NDST4: variants seen among roughly 807,000 people sequenced by gnomAD.
The protein encoded by NDST4 is N-deacetylase and N-sulfotransferase 4, also known as N-heparan sulfate sulfotransferase 4.
In NDST4, 63 loss-of-function variants were observed where a neutral mutation model predicts 100.8. The ratio of observed to expected loss-of-function variants is 0.62; its 90% CI spans 0.51 to 0.77. The LOEUF is 0.77. NDST4 is among the 30% of genes least tolerant of loss of function. NDST4 has a pLI of 0.00. For synonymous variants in NDST4, 377 were observed against 361.8 expected, an observed-to-expected ratio of 1.04 and a Z score of -0.48; for missense variants, 943 against 1,018.4, an observed-to-expected ratio of 0.93 and a Z score of 1.01.
At chr4:114,940,787 C>G (rs968072376) in intron 4 of NDST4, among the ~76,000 whole-genome samples, 2 of 152,076 alleles carry the variant, frequency 1.3e-5, no homozygotes, top group Non-Finnish European at 2.9e-5. Context: ...TGTCCATGGT[C>G]GAACACTTCT....
chr4:114,875,376 C>T (rs533372351), intron 6 of NDST4, among the ~76,000 whole-genome samples: 1 of 152,256 alleles, frequency 6.6e-6, no homozygotes, highest in South Asian at 2.1e-4. Flanking sequence ...GAAACATAAG[C>T]AGTTTTTCAT....
At chr4:114,970,649 G>T in intron 3 of NDST4, 65 bp from the exon 4 acceptor site, 2 of 1,403,060 alleles carry the variant, frequency 1.4e-6, no homozygotes, top group Non-Finnish European at 1.9e-6. Context: ...GGTTATTTTT[G>T]TCAGATTTAT....
Position 114,845,981 on chromosome 4 carries a change from G to C in NDST4, c.1957C>G (p.Pro653Ala), listed in dbSNP as rs747251586. 1 of 1,605,752 alleles carries C rather than the reference G, an allele frequency of 6.2e-7. No individual in the cohort carries two copies. Among genetic ancestry groups the C allele is most frequent in the South Asian group, 1.1e-5 (1 of 90,544 alleles). Residue 653 changes from proline to alanine, a missense_variant, in exon 10 of 14, where the codon CCT becomes GCT. By Grantham distance (27) the Pro-to-Ala change is conservative. Coordinates refer to ENST00000264363, the MANE Select transcript of NDST4 (RefSeq NM_022569.3). ...TCACTTGTAGTATTGGATGGTGTAG[G>C]GAAAAAGTCCATATACCTGAAGGCA... Reference protein sequence around the residue: ...KGIDWYMDFFPTPSNTTSDFL... With the variant: ...KGIDWYMDFFATPSNTTSDFL...
chr4:115,097,580 T>C (rs1729644378), intron 1 of NDST4, among the ~76,000 whole-genome samples: 1 of 152,138 alleles, frequency 6.6e-6, no homozygotes, highest in Non-Finnish European at 1.5e-5. Context: ...CTGCACAAAT[T>C]AGCATTATTT....
chr4:114,933,404 T>A (rs1725553908), intron 6 of NDST4, among the ~76,000 whole-genome samples: 1 of 150,876 alleles, frequency 6.6e-6, no homozygotes, highest in Admixed American at 6.6e-5. Context: ...CTTTTTGACA[T>A]TGGACTGGGA....
chr4:115,058,404 TACA>T (rs767652765), intron 2 of NDST4, among the ~76,000 whole-genome samples: 11 of 152,198 alleles, frequency 7.2e-5, no homozygotes, highest in Non-Finnish European at 1.5e-4. Context: ...GGTTTATTAC[TACA>T]ACAAGGGCTT....
intron 4 of NDST4, among the ~76,000 whole-genome samples, chr4:114,943,302 A>G (rs1725791612): frequency 6.6e-6 from 1 of 151,802 alleles, no homozygotes; most frequent in African/African-American, 2.4e-5. Flanking sequence ...TATAATTCAT[A>G]TCTGCACTTT....
chr4:115,105,184 T>C (rs764744543), intron 1 of NDST4, among the ~76,000 whole-genome samples: 1 of 152,098 alleles, frequency 6.6e-6, no homozygotes, highest in Non-Finnish European at 1.5e-5. Context: ...ACATGAAGGC[T>C]TCTACAAAAA....
At chr4:114,937,207 A>T in intron 5 of NDST4, 111 bp downstream of exon 5, 1 of 1,076,444 alleles carries the variant, frequency 9.3e-7, no homozygotes, top group South Asian at 1.5e-5. Context: ...GGTATTTCTG[A>T]TAATCATGTA....
intron 6 of NDST4, among the ~76,000 whole-genome samples, chr4:114,886,290 A>G (rs901024339): frequency 4.6e-5 from 7 of 152,170 alleles, no homozygotes; most frequent in Non-Finnish European, 8.8e-5. Context: ...TGGTAGAAAA[A>G]GTCAAGAAGT....
At chr4:114,890,269 AG>A (rs1430190429) in intron 6 of NDST4, among the ~76,000 whole-genome samples, 1 of 152,138 alleles carries the variant, frequency 6.6e-6, no homozygotes, top group Non-Finnish European at 1.5e-5. Context: ...TTGGAGAATA[AG>A]GATATTTATA....
At chr4:115,067,509 T>C (rs1416649714) in intron 2 of NDST4, among the ~76,000 whole-genome samples, 1 of 151,960 alleles carries the variant, frequency 6.6e-6, no homozygotes, top group East Asian at 1.9e-4. Flanking sequence ...AACTTAGTAA[T>C]ATTGAGGTTT....
At chr4:115,085,737 A>G (rs1003597117) in intron 1 of NDST4, among the ~76,000 whole-genome samples, 1 of 152,170 alleles carries the variant, frequency 6.6e-6, no homozygotes, top group African/African-American at 2.4e-5. Flanking sequence ...CTGTGAGTCA[A>G]TTAAACCTCT....
At chr4:115,093,804 A>T (rs1226726411) in intron 1 of NDST4, among the ~76,000 whole-genome samples, 2 of 152,116 alleles carry the variant, frequency 1.3e-5, no homozygotes, top group Non-Finnish European at 2.9e-5. Flanking sequence ...TAAGAGTTTT[A>T]GAAGCATGTA....
intron 7 of NDST4, among the ~76,000 whole-genome samples, chr4:114,857,983 A>G (rs1470882606): frequency 1.3e-5 from 2 of 152,204 alleles, no homozygotes; most frequent in Non-Finnish European, 2.9e-5. Context: ...AGTATGATTC[A>G]GCCAGGTTAC....
chr4:115,083,852 C>T (rs573741358), intron 1 of NDST4, among the ~76,000 whole-genome samples: 128 of 152,172 alleles, frequency 8.4e-4, no homozygotes, highest in Non-Finnish European at 1.4e-3. Context: ...TGAGGAACTG[C>T]GAGTCAATTA....
At chr4:114,918,465 T>C (rs1417636904) in intron 6 of NDST4, among the ~76,000 whole-genome samples, 1 of 151,136 alleles carries the variant, frequency 6.6e-6, no homozygotes, top group Non-Finnish European at 1.5e-5. Flanking sequence ...GTGGGTGCAG[T>C]GCACCAGCAT....
intron 1 of NDST4, among the ~76,000 whole-genome samples, chr4:115,098,913 A>C (rs1419152184): frequency 6.6e-6 from 1 of 152,144 alleles, no homozygotes; most frequent in Non-Finnish European, 1.5e-5. Flanking sequence ...TCACTATGTT[A>C]CCTAGGCTGG....
chr4:115,006,555 T>C (rs973203360), intron 2 of NDST4, among the ~76,000 whole-genome samples: 1 of 152,146 alleles, frequency 6.6e-6, no homozygotes, highest in African/African-American at 2.4e-5. Flanking sequence ...AAATCCCTAA[T>C]TTTTCTTTTA....
Sources: gnomAD v4.1 joint callset for allele counts (sites outside exome capture counted in the v4.1 genomes callset) on GRCh38, gnomAD v4.1.1 for gene constraint, MANE v1.5 for transcripts, NCBI Gene and HGNC (gene_info 2026-07-23, HGNC 2026-07-21) for gene names.